The following EPHB1 variants were observed in gnomAD, a reference collection of about 807,000 sequenced individuals.
The protein encoded by EPHB1 is EPH receptor B1, also known as ephrin type-B receptor 1.
Under a neutral mutation model 94.4 loss-of-function variants are expected in EPHB1, and 30 were observed. That is an observed-to-expected ratio of 0.32 (90% CI 0.24 to 0.43). The LOEUF is 0.43. Among genes scored for constraint, EPHB1 ranks in the 20% least tolerant of loss-of-function variants. The probability of loss-of-function intolerance (pLI) is 1.00; values close to 1 mark genes in which losing one functional copy is unlikely to be tolerated. For missense variants in EPHB1, 1,055 were observed against 1,308.3 expected (o/e 0.81, Z 2.99); for synonymous variants, 522 against 489.1 (o/e 1.07, Z -0.89).
intron 3 of EPHB1, among the ~76,000 whole-genome samples, chr3:135,101,518 C>T (rs1366476220): frequency 1.3e-5 from 2 of 152,024 alleles, no homozygotes; most frequent in Non-Finnish European, 2.9e-5. Flanking sequence ...GGATTACAGG[C>T]ACATGCCATG....
intron 13 of EPHB1, among the ~76,000 whole-genome samples, chr3:135,243,444 C>CAACATGT (rs1943843663): frequency 2.6e-5 from 4 of 152,130 alleles, no homozygotes; most frequent in Admixed American, 2.6e-4. Flanking sequence ...TGAGATGGGT[C>CAACATGT]TCAGAGGGAA....
rs2035798902 is a variant in EPHB1, at chr3:134,795,337, C to T, written c.-295C>T. On this transcript the variant is annotated 5_prime_UTR_variant, in exon 1 of 16. Transcript: ENST00000398015. ...ACCAGGACGCACTCGCTCTCGCGCG[C>T]TCTCCCAGGCTCGTTCTCCCTCGCC... The T allele has an allele frequency of 2.1e-6, 1 of 486,356 alleles. No individual in the cohort carries two copies. The highest frequency in any genetic ancestry group is 3.6e-6 in the Non-Finnish European group (1 of 277,010). 30.1% of individuals were successfully genotyped at this position (486,356 alleles called of 1,614,324 possible).
rs1346341641 is a variant in EPHB1, at chr3:135,064,565, T to C, written c.806-41883T>C. Reference sequence around the variant, plus strand: ...TAACATCTCTTGTTTCATTTCTCATTGAGGTTATTTGGATTATCTCTCTCC... The same window carrying C: ...TAACATCTCTTGTTTCATTTCTCATCGAGGTTATTTGGATTATCTCTCTCC... On this transcript the variant is annotated intron_variant, in intron 3 of 15. Coordinates refer to ENST00000398015, the MANE Select transcript of EPHB1 (RefSeq NM_004441.5). 2.0e-5 allele frequency among the ~76,000 whole-genome samples: 3 copies of C among 152,204 alleles called. No individual in the cohort carries two copies. The East Asian group carries it at 5.8e-4, about 29-fold the overall frequency.
At chr3:135,138,704 A>T (rs1015347325) in intron 5 of EPHB1, among the ~76,000 whole-genome samples, 5 of 152,234 alleles carry the variant, frequency 3.3e-5, no homozygotes, top group Non-Finnish European at 7.3e-5. Context: ...GAAAACTTTC[A>T]TCGAAGTTAA....
intron 3 of EPHB1, among the ~76,000 whole-genome samples, chr3:134,984,609 C>T (rs568098192): frequency 6.6e-6 from 1 of 151,828 alleles, no homozygotes; most frequent in Non-Finnish European, 1.5e-5. Flanking sequence ...GGGCCCTCAC[C>T]TGGGCCCCAG....
chr3:135,004,914 A>G (rs1291390742), intron 3 of EPHB1, among the ~76,000 whole-genome samples: 7 of 152,026 alleles, frequency 4.6e-5, no homozygotes, highest in Non-Finnish European at 4.4e-5. Context: ...ATGTCCTCCC[A>G]TAGCTCAGAG....
At chr3:134,954,040 C>T (rs1389687439) in intron 3 of EPHB1, among the ~76,000 whole-genome samples, 1 of 152,208 alleles carries the variant, frequency 6.6e-6, no homozygotes, top group Middle Eastern at 3.2e-3. Context: ...AAATGGGGAA[C>T]CCATGGCACC....
At position 134,928,183 on chromosome 3, in the gene EPHB1, G is replaced by A. The variant is rs567607048; in HGVS notation, c.123+2303G>A. On this transcript the variant is annotated intron_variant, in intron 2 of 15. Coordinates refer to ENST00000398015, the MANE Select transcript of EPHB1 (RefSeq NM_004441.5). The stretch of plus-strand genomic sequence containing the variant: ...ACGTGCATTCTCTGTCCAAATCTTA[G>A]CACATTTATAAAGGCCAGAAACTGA... Among the ~76,000 whole-genome samples the A allele has an allele frequency of 1.4e-4, 21 of 152,298 alleles. No individual in the cohort carries two copies. In the East Asian group the frequency reaches 3.7e-3, roughly 27 times the overall value.
intron 3 of EPHB1, among the ~76,000 whole-genome samples, chr3:134,967,523 T>C (rs1355698341): frequency 2.0e-5 from 3 of 152,120 alleles, no homozygotes; most frequent in African/African-American, 7.2e-5. Context: ...GAGTGGATCT[T>C]ATAATAGTTA....
At chr3:135,035,871 C>T (rs1379154221) in intron 3 of EPHB1, among the ~76,000 whole-genome samples, 1 of 151,262 alleles carries the variant, frequency 6.6e-6, no homozygotes, top group African/African-American at 2.4e-5. Flanking sequence ...ACCAAAAAGA[C>T]AAGTTTGGTC....
chr3:134,799,521 G>C (rs988239639), intron 1 of EPHB1, among the ~76,000 whole-genome samples: 9 of 152,276 alleles, frequency 5.9e-5, no homozygotes, highest in Non-Finnish European at 1.2e-4. Context: ...GCTGGCGAGG[G>C]AGGGCAATGC....
chr3:135,178,458 CA>C (rs57207495), intron 9 of EPHB1, among the ~76,000 whole-genome samples: 37,729 of 98,800 alleles, frequency 0.38, 5,072 homozygotes, highest in East Asian at 0.51. Context: ...AAGACTGTCT[CA>C]AAAAAAAAAA....
In EPHB1 at chr3:135,208,290, C is replaced by CTTGTGT. The variant is rs1283544628; in HGVS notation, c.2346+6601_2346+6602insTTGTGT. 2.4e-3 allele frequency among the ~76,000 whole-genome samples: 342 copies of CTTGTGT among 142,780 alleles called. 5 individuals are homozygous for CTTGTGT. Among genetic ancestry groups the CTTGTGT allele is most frequent in the South Asian group, 7.6e-3 (32 of 4,226 alleles). The allele number at this position is 142,780 out of a possible 152,430, so 93.7% of individuals were successfully genotyped here. On this transcript the variant is annotated intron_variant, in intron 12 of 15. Coordinates refer to ENST00000398015, the MANE Select transcript of EPHB1 (RefSeq NM_004441.5). ...TAGAGCAATGGGAAACCTTTCATGA[C>CTTGTGT]GTGTGTGTGTGTGTGTGTGTGTGTG...
Position 134,953,672 on chromosome 3 carries a change from TG to T in EPHB1, c.805+1622del, listed in dbSNP as rs572667841. 8.5e-4 allele frequency among the ~76,000 whole-genome samples: 130 copies of T among 152,362 alleles called. 1 individual carries two copies. The highest frequency in any genetic ancestry group is 2.2e-3 in the Admixed American group (34 of 15,300). On this transcript the variant is annotated intron_variant, in intron 3 of 15. Coordinates refer to ENST00000398015, the MANE Select transcript of EPHB1 (RefSeq NM_004441.5). ...CAGAGGGCTGCCACACCACACTTGC[TG>T]GCTGGGGCACTCTCATTTTTCTCAT... is the stretch of plus-strand genomic sequence containing the variant.
chr3:134,889,653 T>A (rs1165776882), intron 1 of EPHB1, among the ~76,000 whole-genome samples: 1 of 152,022 alleles, frequency 6.6e-6, no homozygotes, highest in African/African-American at 2.4e-5. Flanking sequence ...TTGAAAGTTT[T>A]CCTGGTTATT....
intron 12 of EPHB1, among the ~76,000 whole-genome samples, chr3:135,237,723 A>C (rs1381940805): frequency 1.3e-5 from 2 of 152,216 alleles, no homozygotes; most frequent in Admixed American, 6.5e-5. Context: ...AGCCCCATGC[A>C]TTCTTCACTG....
chr3:135,249,186 A>C, intron 14 of EPHB1, 150 bp from the exon 15 acceptor site: 1 of 891,528 alleles, frequency 1.1e-6, no homozygotes, highest in Non-Finnish European at 1.6e-6. Context: ...TTAGGATTCC[A>C]TGAAGAAGAA....
rs188193643 is a variant in EPHB1 at position 134,987,575 on chromosome 3, C to T, written c.805+35523C>T. The stretch of plus-strand genomic sequence containing the variant: ...GAGATCGAGACCATCCTGGCTAACA[C>T]GGTGAAACCTCGTCTCTACTAAAAA... On this transcript the variant is annotated intron_variant, in intron 3 of 15. Transcript: ENST00000398015. Among the ~76,000 whole-genome samples the T allele has an allele frequency of 8.7e-3, 1,323 of 152,130 alleles. 8 individuals carry two copies. Among genetic ancestry groups the T allele is most frequent in the Non-Finnish European group, 0.013 (905 of 67,986 alleles).
chr3:135,164,623 A>G (rs1205110332), intron 7 of EPHB1, among the ~76,000 whole-genome samples: 1 of 152,130 alleles, frequency 6.6e-6, no homozygotes, highest in Non-Finnish European at 1.5e-5. Flanking sequence ...AGCCTGGCCA[A>G]CATGGTAAAA....
Sources: gnomAD v4.1 joint callset for allele counts (sites outside exome capture counted in the v4.1 genomes callset) on GRCh38, gnomAD v4.1.1 for gene constraint, MANE v1.5 for transcripts, NCBI Gene and HGNC (gene_info 2026-07-23, HGNC 2026-07-21) for gene names.